The following STK10 variants were observed in gnomAD, a reference collection of about 807,000 sequenced individuals.
STK10 encodes the protein serine/threonine kinase 10, also known as serine/threonine-protein kinase 10.
A neutral mutation model predicts 113.8 loss-of-function variants in STK10; 78 were observed. The ratio of observed to expected loss-of-function variants is 0.69; its 90% confidence interval spans 0.57 to 0.83. The LOEUF (loss-of-function observed/expected upper bound fraction) is 0.83. Among genes scored for constraint, STK10 ranks in the 40% least tolerant of loss-of-function variants. The pLI, the probability that STK10 is intolerant of heterozygous loss-of-function variation, is 0.00. For synonymous variants in STK10, 465 were observed against 494.7 expected, an observed-to-expected ratio of 0.94 and a Z score of 0.80; for missense variants, 1,109 against 1,280.1, an observed-to-expected ratio of 0.87 and a Z score of 2.04.
At chr5:172,132,458 C>T (rs1270435120) in intron 2 of STK10, among the ~76,000 whole-genome samples, 1 of 151,810 alleles carries the variant, frequency 6.6e-6, no homozygotes, top group Non-Finnish European at 1.5e-5. Flanking sequence ...GGAATCCGTG[C>T]CCACCCGTGA....
intron 13 of STK10, among the ~76,000 whole-genome samples, chr5:172,062,037 G>C (rs1230942058): frequency 6.6e-6 from 1 of 151,258 alleles, no homozygotes; most frequent in Non-Finnish European, 1.5e-5. Flanking sequence ...GAGTGCAATG[G>C]CGTGATCTCA....
intron 1 of STK10, among the ~76,000 whole-genome samples, chr5:172,164,418 T>C (rs948997300): frequency 2.6e-5 from 4 of 152,118 alleles, no homozygotes; most frequent in East Asian, 3.9e-4. Context: ...GAGAAGACCG[T>C]TGATCCCTTC....
intron 10 of STK10, 93 bp from the exon 11 acceptor site, chr5:172,083,177 G>A (rs1276620185): frequency 7.7e-6 from 12 of 1,558,128 alleles, no homozygotes; most frequent in Non-Finnish European, 1.0e-5. Flanking sequence ...GTTGGATCAT[G>A]GAGCAAAATC....
In STK10 at chr5:172,133,555, T is replaced by C. The variant is rs920266846; in HGVS notation, c.322-6134A>G. ...TGTCATCAGAGCTAAGCTGGTGAGT[T>C]GTGCTTGATGGTGTGGAATGCCACG... On this transcript the variant is annotated intron_variant, in intron 2 of 18. Transcript: ENST00000176763. This position sits in a 1 kb window ranked among gnomAD's most constrained non-coding sequence, Gnocchi z 4.9. Among the ~76,000 whole-genome samples the C allele has an allele frequency of 6.6e-6, 1 of 152,156 alleles. No individual in the cohort carries two copies. Among genetic ancestry groups the C allele is most frequent in the Non-Finnish European group, 1.5e-5 (1 of 68,018 alleles).
At chr5:172,106,586 C>A in intron 6 of STK10, 34 bp downstream of exon 6, 1 of 1,594,624 alleles carries the variant, frequency 6.3e-7, no homozygotes, top group South Asian at 1.1e-5. Flanking sequence ...CCGGCGCAGG[C>A]ACCCCGGCAG....
At chr5:172,090,764 G>C (rs1004484668) in intron 9 of STK10, among the ~76,000 whole-genome samples, 3 of 151,694 alleles carry the variant, frequency 2.0e-5, no homozygotes, top group African/African-American at 7.3e-5. Context: ...GTGAAACCCT[G>C]TCTCTACTAA....
At chr5:172,141,231 G>A (rs1206413837) in intron 2 of STK10, among the ~76,000 whole-genome samples, 1 of 152,152 alleles carries the variant, frequency 6.6e-6, no homozygotes, top group Admixed American at 6.5e-5. Flanking sequence ...TGCTGTACAC[G>A]TTAAAATGTG....
rs756323518 is a variant in STK10, at chr5:172,044,792, G to A, written c.*90C>T. Reference sequence around the variant, plus strand: ...ATTTGAGCTGGCACAGACGCAAGAGGGAAAAGGGGTCCTGAGTTACATGTT... The same window carrying A: ...ATTTGAGCTGGCACAGACGCAAGAGAGAAAAGGGGTCCTGAGTTACATGTT... On this transcript the variant is annotated 3_prime_UTR_variant, in exon 19 of 19. Transcript: ENST00000176763. This position sits in a 1 kb window ranked among gnomAD's most constrained non-coding sequence, Gnocchi z 4.5. The A allele has an allele frequency of 2.5e-6, 4 of 1,601,624 alleles. No individual in the cohort carries two copies. The African/African-American group carries it at 5.4e-5, about 21-fold the overall frequency.
intron 12 of STK10, among the ~76,000 whole-genome samples, chr5:172,074,231 G>T (rs1468883490): frequency 6.6e-6 from 1 of 152,084 alleles, no homozygotes; most frequent in African/African-American, 2.4e-5. Flanking sequence ...GAACTAGAAT[G>T]GCCAAACAAC....
chr5:172,162,580 C>T (rs549757082), intron 1 of STK10, among the ~76,000 whole-genome samples: 3 of 152,266 alleles, frequency 2.0e-5, no homozygotes, highest in Admixed American at 2.0e-4. Context: ...TCTTTCTCTT[C>T]CTACTCCTCC....
intron 2 of STK10, among the ~76,000 whole-genome samples, chr5:172,139,866 A>G (rs894554322): frequency 1.3e-5 from 2 of 149,430 alleles, no homozygotes; most frequent in African/African-American, 4.9e-5. Flanking sequence ...CGATCTTGGC[A>G]ATGATTTCAT....
rs993051410 is a variant in STK10, at chr5:172,082,641, G to A, written c.1810-136C>T. 3.1e-4 allele frequency: 363 copies of A among 1,167,256 alleles called. No homozygotes were observed. The highest frequency in any genetic ancestry group is 4.1e-4 in the Non-Finnish European group (350 of 854,572). 72.3% of individuals were successfully genotyped at this position (1,167,256 alleles called of 1,614,324 possible). A position where few individuals can be genotyped will look rare whatever the true frequency, so the allele number is the denominator to read the frequency against. The stretch of plus-strand genomic sequence containing the variant: ...ATCCCAGCTCTACTACCCCGTTGCT[G>A]TGTGACCTGGGGCAAGTTACTTAGC... On this transcript the variant is annotated intron_variant, in intron 11 of 18. Coordinates refer to ENST00000176763, the MANE Select transcript of STK10 (RefSeq NM_005990.4). This position sits in a 1 kb window ranked among gnomAD's most constrained non-coding sequence, Gnocchi z 4.3.
rs552593857 is a variant in STK10, at chr5:172,082,003, T to C, written c.1989+323A>G. On this transcript the variant is annotated intron_variant, in intron 12 of 18. Transcript: ENST00000176763. The surrounding 1 kb of genome is among the most constrained non-coding windows in gnomAD (Gnocchi z 4.3). ...GCCCTTCTGGGAACAGCATCTCAAA[T>C]TCCCCCGGACCACCAGCCCTTCCTT... Among the ~76,000 whole-genome samples, 1 of 152,122 alleles carries C rather than the reference T, an allele frequency of 6.6e-6. No homozygotes were observed. Among genetic ancestry groups the C allele is most frequent in the East Asian group, 1.9e-4 (1 of 5,152 alleles).
chr5:172,104,460 A>G lies in STK10; in HGVS notation c.870+1196T>C, dbSNP rs963543673. ...TAGTTCAAAAAGCTTCAAGGAAACC[A>G]TTATCCACCTGCCCATTCTAAGGCA... On this transcript the variant is annotated intron_variant, in intron 7 of 18. Transcript: ENST00000176763. Among the ~76,000 whole-genome samples, 4 of 152,334 alleles carry G rather than the reference A, an allele frequency of 2.6e-5. No homozygotes were observed. In the South Asian group the frequency reaches 6.2e-4, roughly 24 times the overall value.
At chr5:172,160,631 G>A (rs1448538444) in intron 1 of STK10, among the ~76,000 whole-genome samples, 7 of 152,108 alleles carry the variant, frequency 4.6e-5, no homozygotes, top group Non-Finnish European at 1.0e-4. Context: ...TATTGATCAC[G>A]CTCCACCCTT....
At chr5:172,144,124 CA>C (rs945133462) in intron 2 of STK10, among the ~76,000 whole-genome samples, 4 of 152,244 alleles carry the variant, frequency 2.6e-5, no homozygotes, top group African/African-American at 9.6e-5. Flanking sequence ...TCCTGTTTTA[CA>C]GATGGGGAAA....
intron 2 of STK10, among the ~76,000 whole-genome samples, chr5:172,131,835 A>T (rs890961085): frequency 1.3e-5 from 2 of 152,238 alleles, no homozygotes; most frequent in Admixed American, 6.5e-5. Flanking sequence ...CTTAATCCCC[A>T]ATGTAACAGT....
chr5:172,156,926 T>C (rs967764354), intron 1 of STK10, 138 bp from the exon 2 acceptor site: 27 of 939,642 alleles, frequency 2.9e-5, no homozygotes, highest in Non-Finnish European at 3.9e-5. Context: ...ACATTGTTCT[T>C]AACAATAGCC....
intron 13 of STK10, among the ~76,000 whole-genome samples, chr5:172,062,892 TTTATG>T (rs1361377939): frequency 6.6e-6 from 1 of 152,220 alleles, no homozygotes. Flanking sequence ...GATGGTAAAC[TTTATG>T]TTATGACTAT....
Sources: gnomAD v4.1 joint callset for allele counts (sites outside exome capture counted in the v4.1 genomes callset) on GRCh38, gnomAD v4.1.1 for gene constraint, Gnocchi (gnomAD v3.1) non-coding constraint, MANE v1.5 for transcripts, NCBI Gene and HGNC (gene_info 2026-07-23, HGNC 2026-07-21) for gene names.